Variants in HERC3 observed in about 807,000 individuals in gnomAD.
The protein encoded by HERC3 is HECT and RLD domain containing E3 ubiquitin protein ligase 3, also known as probable E3 ubiquitin-protein ligase HERC3.
A neutral mutation model predicts 129.9 loss-of-function variants in HERC3; 58 were observed. That is an observed-to-expected ratio of 0.45 (90% confidence interval 0.36 to 0.56). HERC3 has a LOEUF of 0.56. Among genes scored for constraint, HERC3 ranks in the 20% least tolerant of loss-of-function variants. The probability of loss-of-function intolerance (pLI) is 0.00; values close to 1 mark genes in which losing one functional copy is unlikely to be tolerated. For synonymous variants in HERC3, 430 were observed against 451.0 expected (o/e 0.95, Z 0.59); for missense variants, 835 against 1,244.2 (o/e 0.67, Z 4.95).
chr4:88,687,778 A>G (rs1733636997), intron 23 of HERC3, among the ~76,000 whole-genome samples: 1 of 152,244 alleles, frequency 6.6e-6, no homozygotes, highest in South Asian at 2.1e-4. Flanking sequence ...GGTGCTTACT[A>G]TCACTGCTAT....
At chr4:88,692,268 A>G (rs1734147012) in intron 23 of HERC3, among the ~76,000 whole-genome samples, 1 of 151,706 alleles carries the variant, frequency 6.6e-6, no homozygotes, top group South Asian at 2.1e-4. Flanking sequence ...AATTTACCTT[A>G]ATTTGATGCA....
intron 3 of HERC3, among the ~76,000 whole-genome samples, chr4:88,634,687 T>C (rs1201541394): frequency 6.9e-6 from 1 of 145,754 alleles, no homozygotes; most frequent in South Asian, 2.3e-4. Context: ...CCCAACTGGG[T>C]GAGACCCCAC....
intron 3 of HERC3, among the ~76,000 whole-genome samples, chr4:88,613,475 T>C (rs1247574961): frequency 6.6e-6 from 1 of 152,208 alleles, no homozygotes; most frequent in African/African-American, 2.4e-5. Flanking sequence ...AAGCAGAACG[T>C]CCAAAAGCTT....
At chr4:88,580,729 G>A in the HERC3 span, among the ~76,000 whole-genome samples, 2 of 152,138 alleles carry the variant, frequency 1.3e-5, no homozygotes, top group Admixed American at 6.5e-5. Flanking sequence ...AGTTACAGAT[G>A]ATGTCACTTC....
At chr4:88,619,532 GA>G (rs374410923) in intron 3 of HERC3, among the ~76,000 whole-genome samples, 5 of 151,924 alleles carry the variant, frequency 3.3e-5, no homozygotes, top group Non-Finnish European at 5.9e-5. Flanking sequence ...AAAATAATAG[GA>G]AAAAAAATTA....
chr4:88,594,470 C>A (rs1255383533), intron 1 of HERC3, among the ~76,000 whole-genome samples: 1 of 152,152 alleles, frequency 6.6e-6, no homozygotes, highest in Non-Finnish European at 1.5e-5. Context: ...CTGGTGCGAT[C>A]TCGGCTCACT....
At position 88,654,127 on chromosome 4, in the gene HERC3, C is replaced by T. The variant is rs757584501; in HGVS notation, c.771C>T (p.Leu257=). Residue 257 remains leucine, a synonymous_variant, in exon 7 of 26, where the codon CTC becomes CTT. Coordinates refer to ENST00000402738, the MANE Select transcript of HERC3 (RefSeq NM_014606.3). ...GTGGAGAAGAACACACAGCAGTTCT[C>T]ACAAAGGTAAGGAGCTCAGAGTATT... The part of the protein sequence containing the change: ...ISCGEEHTAV[L]TKSGGVFTFG... 13 of 1,610,898 alleles carry T rather than the reference C, an allele frequency of 8.1e-6. No homozygotes were observed. The highest frequency in any genetic ancestry group is 8.5e-6 in the Non-Finnish European group (10 of 1,177,422).
At chr4:88,524,256 CT>C in the HERC3 span, among the ~76,000 whole-genome samples, 2 of 152,196 alleles carry the variant, frequency 1.3e-5, no homozygotes, top group Non-Finnish European at 2.9e-5. Flanking sequence ...AAGGAAGGGC[CT>C]AGGCCTCTGA....
chr4:88,660,513 A>C (rs1451382102), intron 10 of HERC3, among the ~76,000 whole-genome samples: 1 of 152,088 alleles, frequency 6.6e-6, no homozygotes, highest in Non-Finnish European at 1.5e-5. Context: ...CATAGCCTCT[A>C]TTTTTATAAA....
upstream of HERC3, among the ~76,000 whole-genome samples, chr4:88,590,251 G>A (rs565164430): frequency 6.6e-6 from 1 of 150,790 alleles, no homozygotes; most frequent in South Asian, 2.1e-4. Flanking sequence ...CCAGGCAACT[G>A]AGCGAGACTC....
chr4:88,697,941 G>C, intron 23 of HERC3: 2 of 734,240 alleles, frequency 2.7e-6, no homozygotes, highest in Non-Finnish European at 4.4e-6. Context: ...TGACGGCCGT[G>C]TGCTCATACT....
At chr4:88,693,106 A>G (rs1042128659) in intron 23 of HERC3, 9 of 984,754 alleles carry the variant, frequency 9.1e-6, no homozygotes, top group Non-Finnish European at 1.1e-5. Flanking sequence ...AGTGACTGCC[A>G]TGGTTTGCTA....
chr4:88,648,838 T>C (rs1728965850), intron 3 of HERC3, among the ~76,000 whole-genome samples: 1 of 152,098 alleles, frequency 6.6e-6, no homozygotes. Context: ...ATTTTCTCTT[T>C]GCTTTTTTCT....
the HERC3 span, among the ~76,000 whole-genome samples, chr4:88,581,861 A>G: frequency 6.6e-6 from 1 of 152,234 alleles, no homozygotes; most frequent in South Asian, 2.1e-4. Context: ...CACAAAATGG[A>G]TATTAAAATA....
chr4:88,599,707 A>AC (rs1262279037), intron 2 of HERC3, among the ~76,000 whole-genome samples: 4 of 152,232 alleles, frequency 2.6e-5, no homozygotes, highest in African/African-American at 9.6e-5. Context: ...ACAGTATTCT[A>AC]TCCCTGTAGT....
intron 23 of HERC3, among the ~76,000 whole-genome samples, chr4:88,702,632 A>G (rs1735419623): frequency 6.6e-6 from 1 of 152,172 alleles, no homozygotes; most frequent in African/African-American, 2.4e-5. Flanking sequence ...CCATGTTCAT[A>G]TTAATGGATG....
the HERC3 span, among the ~76,000 whole-genome samples, chr4:88,576,389 C>T: frequency 6.6e-6 from 1 of 152,154 alleles, no homozygotes; most frequent in African/African-American, 2.4e-5. Context: ...GCCCTTTTCT[C>T]TAAATTTACC....
intron 2 of HERC3, chr4:88,598,230 G>C (rs756327969): frequency 2.6e-5 from 4 of 152,248 alleles, no homozygotes; most frequent in East Asian, 1.9e-4. Flanking sequence ...GTGCATAGTC[G>C]CATAGTCTTA....
intron 19 of HERC3, among the ~76,000 whole-genome samples, chr4:88,679,793 C>T (rs1164533515): frequency 6.6e-6 from 1 of 152,188 alleles, no homozygotes; most frequent in Admixed American, 6.5e-5. Context: ...GCTAGGATTA[C>T]AGGCGTGAGC....
Sources: allele counts gnomAD v4.1 joint callset (sites outside exome capture counted in the v4.1 genomes callset), GRCh38; gene constraint gnomAD v4.1.1; transcripts MANE v1.5; gene names NCBI Gene and HGNC (gene_info 2026-07-23, HGNC 2026-07-21).